SOX5: variants seen among roughly 807,000 people sequenced by gnomAD.
SOX5 encodes SRY-box transcription factor 5.
In SOX5, 9 loss-of-function variants were observed where a neutral mutation model predicts 92.0. The ratio of observed to expected loss-of-function variants is 0.10; its 90% CI spans 0.06 to 0.17. SOX5 has a LOEUF of 0.17. Among genes scored for constraint, SOX5 ranks in the 10% least tolerant of loss-of-function variants. SOX5 has a pLI of 1.00. For synonymous variants in SOX5, 344 were observed against 336.3 expected (o/e 1.02, Z -0.25); for missense variants, 642 against 944.5 (o/e 0.68, Z 4.20).
At chr12:23,976,678 A>T (rs995323550) in intron 4 of SOX5, among the ~76,000 whole-genome samples, 1 of 152,198 alleles carries the variant, frequency 6.6e-6, no homozygotes, top group Non-Finnish European at 1.5e-5. Context: ...AACAAAAGTC[A>T]GTAAGCAACG....
chr12:23,596,946 C>T (rs1002830039), intron 9 of SOX5, among the ~76,000 whole-genome samples: 2 of 152,150 alleles, frequency 1.3e-5, no homozygotes, highest in Non-Finnish European at 2.9e-5. Flanking sequence ...TTTCCCTAAA[C>T]GACTTAGGTT....
At chr12:23,643,937 G>C (rs1177485724) in intron 7 of SOX5, among the ~76,000 whole-genome samples, 3 of 152,044 alleles carry the variant, frequency 2.0e-5, no homozygotes, top group Non-Finnish European at 4.4e-5. Flanking sequence ...CACATTTTTA[G>C]AACCCACCCT....
chr12:24,174,666 A>G (rs7135230), intron 4 of SOX5, among the ~76,000 whole-genome samples: 2,941 of 152,264 alleles, frequency 0.019, 100 homozygotes, highest in African/African-American at 0.066. Flanking sequence ...TACTAAAAAT[A>G]CAAAATTAGC....
chr12:24,431,116 G>T (rs1938223961), intron 1 of SOX5, among the ~76,000 whole-genome samples: 1 of 152,274 alleles, frequency 6.6e-6, no homozygotes, highest in Non-Finnish European at 1.5e-5. Context: ...ACCAGGCAGT[G>T]TATATGTCTG....
chr12:24,352,488 C>A (rs985589083), intron 2 of SOX5, among the ~76,000 whole-genome samples: 3 of 152,168 alleles, frequency 2.0e-5, no homozygotes, highest in Non-Finnish European at 4.4e-5. Context: ...AATGACCCAA[C>A]ATTCAGGGCT....
rs569295251 is a variant in SOX5 at position 23,588,691 on chromosome 12, G to A, written c.1165-12853C>T. 2.0e-5 allele frequency among the ~76,000 whole-genome samples: 3 copies of A among 150,382 alleles called. No individual in the cohort carries two copies. The East Asian group carries it at 5.9e-4, about 30-fold the overall frequency. On this transcript the variant is annotated intron_variant, in intron 9 of 14. Transcript: ENST00000451604. Reference sequence around the variant, plus strand: ...TCACATTGCCAGATAAAATTGATCTGTATTCTTGATTATTGTAGTATGGGA... The same window carrying A: ...TCACATTGCCAGATAAAATTGATCTATATTCTTGATTATTGTAGTATGGGA...
chr12:23,870,837 T>G (rs2096864610), intron 2 of SOX5, among the ~76,000 whole-genome samples: 1 of 152,192 alleles, frequency 6.6e-6, no homozygotes, highest in Non-Finnish European at 1.5e-5. Context: ...TCACTATTTC[T>G]ACTTATGTAA....
At chr12:24,369,614 C>A (rs1292884400) in intron 1 of SOX5, among the ~76,000 whole-genome samples, 1 of 152,234 alleles carries the variant, frequency 6.6e-6, no homozygotes, top group African/African-American at 2.4e-5. Flanking sequence ...CTTCTCTTCG[C>A]TGAATTTAAT....
intron 1 of SOX5, among the ~76,000 whole-genome samples, chr12:24,398,114 T>C (rs889320439): frequency 6.6e-6 from 1 of 152,196 alleles, no homozygotes; most frequent in Admixed American, 6.5e-5. Flanking sequence ...CCTCCCAAAG[T>C]GCTGGTATTA....
intron 4 of SOX5, among the ~76,000 whole-genome samples, chr12:23,963,997 A>C (rs1046808382): frequency 2.7e-5 from 4 of 148,678 alleles, no homozygotes; most frequent in Non-Finnish European, 4.5e-5. Context: ...CCAACCAAAC[A>C]AAAAAAAAAC....
chr12:24,400,257 C>T (rs962485130), intron 1 of SOX5, among the ~76,000 whole-genome samples: 2 of 152,202 alleles, frequency 1.3e-5, no homozygotes, highest in Non-Finnish European at 2.9e-5. Flanking sequence ...AACTAAAATG[C>T]TAATTAGTTT....
intron 2 of SOX5, among the ~76,000 whole-genome samples, chr12:23,850,373 G>A (rs1366780017): frequency 6.6e-6 from 1 of 150,408 alleles, no homozygotes; most frequent in East Asian, 2.0e-4. Context: ...AGATTGCAGA[G>A]AGCCAAGATT....
At chr12:23,579,786 A>G (rs1565998847) in intron 9 of SOX5, among the ~76,000 whole-genome samples, 1 of 152,214 alleles carries the variant, frequency 6.6e-6, no homozygotes, top group East Asian at 1.9e-4. Flanking sequence ...TGTTAAATAA[A>G]TTACTTACAA....
chr12:24,209,975 G>A (rs1346251093), intron 4 of SOX5, among the ~76,000 whole-genome samples: 2 of 111,454 alleles, frequency 1.8e-5, no homozygotes, highest in Admixed American at 1.4e-4. Context: ...CCGAGATCCC[G>A]CCACTGCACT....
At chr12:23,671,405 C>T (rs971939536) in intron 6 of SOX5, among the ~76,000 whole-genome samples, 5 of 152,134 alleles carry the variant, frequency 3.3e-5, no homozygotes, top group Admixed American at 2.0e-4. Flanking sequence ...CAGTGGGGAG[C>T]ATAGCAGCTG....
At chr12:24,484,574 C>T (rs1042743136) in intron 1 of SOX5, among the ~76,000 whole-genome samples, 3 of 151,956 alleles carry the variant, frequency 2.0e-5, no homozygotes, top group African/African-American at 7.3e-5. Context: ...GGTTTGTGTT[C>T]GTGTGTGTTG....
chr12:24,293,276 A>T (rs534120743), intron 2 of SOX5, among the ~76,000 whole-genome samples: 89 of 152,350 alleles, frequency 5.8e-4, no homozygotes, highest in African/African-American at 2.0e-3. Flanking sequence ...TGCCCACATG[A>T]TCACATTGCT....
intron 4 of SOX5, among the ~76,000 whole-genome samples, chr12:24,087,888 C>T (rs968232421): frequency 1.3e-5 from 2 of 151,848 alleles, no homozygotes; most frequent in Non-Finnish European, 2.9e-5. Flanking sequence ...AAAATAAAAG[C>T]ATCTCTTATT....
chr12:23,843,935 A>G (rs1348441576), intron 3 of SOX5, among the ~76,000 whole-genome samples: 1 of 152,228 alleles, frequency 6.6e-6, no homozygotes, highest in Admixed American at 6.5e-5. Flanking sequence ...TAAATGAAAT[A>G]GGAAGCACAA....
Sources: allele counts gnomAD v4.1 joint callset (sites outside exome capture counted in the v4.1 genomes callset), GRCh38; gene constraint gnomAD v4.1.1; transcripts MANE v1.5; gene names NCBI Gene and HGNC (gene_info 2026-07-23, HGNC 2026-07-21).